The following FAM117B variants were observed in gnomAD, a reference collection of about 807,000 sequenced individuals.
FAM117B encodes the protein family with sequence similarity 117 member B, also known as protein FAM117B.
FAM117B carries 22 observed loss-of-function variants against 52.8 expected under a neutral mutation model. The ratio of observed to expected loss-of-function variants is 0.42; its 90% CI spans 0.30 to 0.59. The LOEUF is 0.59. Ranked by LOEUF, FAM117B falls within the 20% of genes least tolerant of loss-of-function variation. FAM117B has a pLI of 0.22. For synonymous variants in FAM117B, 309 were observed against 324.1 expected (o/e 0.95, Z 0.50); for missense variants, 678 against 802.6 (o/e 0.84, Z 1.88).
intron 4 of FAM117B, among the ~76,000 whole-genome samples, chr2:202,730,999 A>G (rs1017692928): frequency 6.6e-6 from 1 of 152,182 alleles, no homozygotes; most frequent in African/African-American, 2.4e-5. Flanking sequence ...ATATCTGATA[A>G]GGCATTTGTG....
rs563718803 is a variant in FAM117B at position 202,698,530 on chromosome 2, C to A, written c.753+2498C>A. Among the ~76,000 whole-genome samples, 45 of 152,188 alleles carry A rather than the reference C, an allele frequency of 3.0e-4. No homozygotes were observed. The South Asian group carries it at 6.4e-3, about 22-fold the overall frequency. ...CTCTGCCTCCTGGGTACAAGCAATT[C>A]TCCTGTTTCAGCCTCCCAAGTAGCT... On this transcript the variant is annotated intron_variant, in intron 2 of 7. Transcript: ENST00000392238.
intron 1 of FAM117B, among the ~76,000 whole-genome samples, chr2:202,680,119 T>C (rs1440547385): frequency 6.6e-6 from 1 of 152,148 alleles, no homozygotes; most frequent in Non-Finnish European, 1.5e-5. Flanking sequence ...GAAAGATCAG[T>C]GAAGTTGAAA....
intron 4 of FAM117B, among the ~76,000 whole-genome samples, chr2:202,746,274 A>G (rs1209204773): frequency 6.6e-6 from 1 of 152,172 alleles, no homozygotes. Flanking sequence ...AGAACTAGGA[A>G]TCACAGACTA....
chr2:202,759,224 T>C lies in FAM117B; in HGVS notation c.1331-9T>C, dbSNP rs1691845845. The C allele has an allele frequency of 6.2e-7, 1 of 1,613,782 alleles. No homozygotes were observed. The stretch of plus-strand genomic sequence containing the variant: ...TTTATGTAGTAATCTAATGTGTCAT[T>C]TCTTGCAGAGAATGGGAACAATTCT... On this transcript the variant is annotated splice_polypyrimidine_tract_variant and intron_variant, in intron 6 of 7. Transcript: ENST00000392238.
Position 202,755,537 on chromosome 2 carries a change from G to C in FAM117B, c.961-1G>C, listed in dbSNP as rs774349075. 2 of 1,612,788 alleles carry C rather than the reference G, an allele frequency of 1.2e-6. No homozygotes were observed. The highest frequency in any genetic ancestry group is 1.7e-6 in the Non-Finnish European group (2 of 1,179,468). ...TCTCTTCTCCATCCCATTTTCTTAA[G>C]GCTCCTGTTCCAAAGAGTGCACTTA... On this transcript the variant is annotated splice_acceptor_variant, in intron 4 of 7. Transcript: ENST00000392238. LOFTEE classifies it high-confidence loss of function.
intron 2 of FAM117B, among the ~76,000 whole-genome samples, chr2:202,707,832 A>C (rs1327190937): frequency 6.6e-6 from 1 of 151,594 alleles, no homozygotes; most frequent in African/African-American, 2.4e-5. Context: ...GCAGCAGTGC[A>C]ATCTTGGCTC....
intron 1 of FAM117B, among the ~76,000 whole-genome samples, chr2:202,669,973 T>C (rs1386723038): frequency 6.6e-6 from 1 of 152,188 alleles, no homozygotes; most frequent in East Asian, 1.9e-4. Flanking sequence ...ATTCTCTTAA[T>C]TTCTTAATCT....
At chr2:202,639,665 G>C (rs60731752) in intron 1 of FAM117B, among the ~76,000 whole-genome samples, 1 of 152,144 alleles carries the variant, frequency 6.6e-6, no homozygotes, top group African/African-American at 2.4e-5. Flanking sequence ...GAAGCCATGT[G>C]ATATGGAAAG....
intron 1 of FAM117B, among the ~76,000 whole-genome samples, chr2:202,677,067 T>C (rs1176708295): frequency 6.6e-6 from 1 of 151,644 alleles, no homozygotes; most frequent in African/African-American, 2.4e-5. Context: ...TCTTTTCTTT[T>C]TTTTTTTTTT....
At chr2:202,688,657 A>G (rs1039036460) in intron 1 of FAM117B, among the ~76,000 whole-genome samples, 1 of 152,164 alleles carries the variant, frequency 6.6e-6, no homozygotes, top group Non-Finnish European at 1.5e-5. Flanking sequence ...AAGTATGACT[A>G]TTTTAGAACT....
chr2:202,663,784 A>G (rs895304024), intron 1 of FAM117B, among the ~76,000 whole-genome samples: 2 of 152,068 alleles, frequency 1.3e-5, no homozygotes, highest in African/African-American at 4.8e-5. Context: ...GGGTTTCACT[A>G]TGTTGGCCAG....
chr2:202,761,526 GTTT>G (rs755337153), intron 7 of FAM117B, among the ~76,000 whole-genome samples: 27 of 151,912 alleles, frequency 1.8e-4, no homozygotes, highest in Non-Finnish European at 2.8e-4. Flanking sequence ...TTTTGTTTTT[GTTT>G]TTATTTTTTT....
At chr2:202,683,245 T>G (rs575629371) in intron 1 of FAM117B, among the ~76,000 whole-genome samples, 2 of 152,086 alleles carry the variant, frequency 1.3e-5, no homozygotes, top group African/African-American at 2.4e-5. Flanking sequence ...GGAGAATTGC[T>G]TGAACCCTGG....
Position 202,751,109 on chromosome 2 carries a change from T to C in FAM117B, c.961-4429T>C, listed in dbSNP as rs563478446. Among the ~76,000 whole-genome samples, 39 of 152,284 alleles carry C rather than the reference T, an allele frequency of 2.6e-4. 1 individual carries two copies. The highest frequency in any genetic ancestry group is 4.6e-4 in the Non-Finnish European group (31 of 68,012). On this transcript the variant is annotated intron_variant, in intron 4 of 7. Coordinates refer to ENST00000392238, the MANE Select transcript of FAM117B (RefSeq NM_173511.4). ...TAAGGGCTAAACCCTTGAAGACATATAGATAAGCTTTAGTCCCATAATTTT... is the reference window on the plus strand; with the variant it reads ...TAAGGGCTAAACCCTTGAAGACATACAGATAAGCTTTAGTCCCATAATTTT...
intron 2 of FAM117B, among the ~76,000 whole-genome samples, chr2:202,718,744 C>G (rs138933137): frequency 7.8e-4 from 119 of 152,282 alleles, no homozygotes; most frequent in African/African-American, 2.7e-3. Flanking sequence ...CTCACTGATG[C>G]TGCCCAGCGA....
intron 6 of FAM117B, among the ~76,000 whole-genome samples, chr2:202,758,154 T>A (rs1691830865): frequency 6.6e-6 from 1 of 152,152 alleles, no homozygotes; most frequent in South Asian, 2.1e-4. Context: ...ATTTAGAACC[T>A]CCTCCATACA....
chr2:202,661,552 G>T (rs1456127920), intron 1 of FAM117B, among the ~76,000 whole-genome samples: 2 of 152,128 alleles, frequency 1.3e-5, no homozygotes, highest in African/African-American at 4.8e-5. Context: ...GGTGTAATGA[G>T]TGTATAAACC....
chr2:202,711,618 C>A (rs1690959138), intron 2 of FAM117B, among the ~76,000 whole-genome samples: 2 of 152,072 alleles, frequency 1.3e-5, no homozygotes, highest in Non-Finnish European at 1.5e-5. Flanking sequence ...AAATCTTTGC[C>A]CAGACAAACA....
intron 1 of FAM117B, 133 bp downstream of exon 1, chr2:202,635,921 C>CGG (rs1436453646): frequency 3.2e-6 from 3 of 930,784 alleles, no homozygotes; most frequent in Non-Finnish European, 3.8e-6. Context: ...GGGGCGGTGC[C>CGG]GGGCGGTGGG....
Sources: allele counts gnomAD v4.1 joint callset (sites outside exome capture counted in the v4.1 genomes callset), GRCh38; gene constraint gnomAD v4.1.1; transcripts MANE v1.5; gene names NCBI Gene and HGNC (gene_info 2026-07-23, HGNC 2026-07-21).